The following NKX2-3 variants were observed in gnomAD, a reference collection of about 807,000 sequenced individuals.
NKX2-3 encodes the protein NK2 homeobox 3.
In NKX2-3, 3 loss-of-function variants were observed where a neutral mutation model predicts 14.2. The ratio of observed to expected loss-of-function variants is 0.21; its 90% CI spans 0.10 to 0.55. The LOEUF (loss-of-function observed/expected upper bound fraction) is 0.55, where lower values mean the gene tolerates loss of function less well. NKX2-3 is among the 20% of genes least tolerant of loss of function. The pLI, the probability that NKX2-3 is intolerant of heterozygous loss-of-function variation, is 0.94. For synonymous variants in NKX2-3, 276 were observed against 234.2 expected (o/e 1.18, Z -1.63); for missense variants, 511 against 514.5 (o/e 0.99, Z 0.06).
Position 99,535,477 on chromosome 10 carries a change from C to T in NKX2-3, c.851C>T (p.Ala284Val). ...GCCGCCGCCGCCGCCGCCGCAGCAG[C>T]GGCGGCCTACAGCAGCAGCTATGGC... ...AAAAAAAAAAAAAYSSSYGCA... is the reference protein window; with the variant it reads ...AAAAAAAAAAVAAYSSSYGCA... Residue 284 changes from alanine (A) to valine (V), a missense_variant, in exon 2 of 2, where the codon GCG becomes GTG. Ala to Val is a moderately conservative substitution (Grantham distance 64, BLOSUM62 0). Transcript: ENST00000344586. 2.5e-6 allele frequency: 3 copies of T among 1,181,360 alleles called. No individual in the cohort carries two copies. Among genetic ancestry groups the T allele is most frequent in the South Asian group, 2.1e-5 (1 of 47,512 alleles). 73.2% of individuals were successfully genotyped at this position (1,181,360 alleles called of 1,614,324 possible). A position where few individuals can be genotyped will look rare whatever the true frequency, so the allele number is the denominator to read the frequency against.
chr10:99,533,404 C>T lies in NKX2-3; in HGVS notation c.273C>T (p.Gly91=). Residue 91 remains glycine, a synonymous_variant, in exon 1 of 2, where the codon GGC becomes GGT. Transcript: ENST00000344586. The stretch of plus-strand genomic sequence containing the variant: ...GGGATTCAGGGCTGTGTCCCCAGGG[C>T]TATGTCCACACGGTCCTGCGAGACT... ...GHGDSGLCPQ[G]YVHTVLRDSC... is the part of the protein sequence containing the mutation. The T allele has an allele frequency of 1.2e-6, 2 of 1,605,236 alleles. No homozygotes were observed. The highest frequency in any genetic ancestry group is 4.5e-5 in the East Asian group (2 of 44,486).
intron 1 of NKX2-3, 103 bp from the exon 2 acceptor site, chr10:99,534,882 C>A (rs573741663): frequency 7.2e-7 from 1 of 1,395,926 alleles, no homozygotes; most frequent in Non-Finnish European, 9.5e-7. Context: ...CATTTACTAC[C>A]GCACGCTCTG....
At position 99,535,316 on chromosome 10, in the gene NKX2-3, G is replaced by A. The variant is rs2033955880; in HGVS notation, c.690G>A (p.Val230=). 6.4e-7 allele frequency: 1 copy of A among 1,563,734 alleles called. No individual in the cohort carries two copies. Among genetic ancestry groups the A allele is most frequent in the Non-Finnish European group, 8.7e-7 (1 of 1,155,874 alleles). Residue 230 remains valine (V), a synonymous_variant, in exon 2 of 2, where the codon GTG becomes GTA. Coordinates refer to ENST00000344586, the MANE Select transcript of NKX2-3 (RefSeq NM_145285.3). Reference sequence around the variant, plus strand: ...CGCCGCGCCGCGTGGCTGTCCCGGTGCTGGTGCGGGACGGCAAGCCGTGCG... The same window carrying A: ...CGCCGCGCCGCGTGGCTGTCCCGGTACTGGTGCGGGACGGCAAGCCGTGCG... The part of the protein sequence containing the change: ...PPPPRRVAVP[V]LVRDGKPCVT...
Position 99,535,109 on chromosome 10 carries a change from C to A in NKX2-3, c.483C>A (p.Phe161Leu). The change falls in exon 2 of 2, where the codon TTC becomes TTA. Residue 161 changes from phenylalanine (F) to leucine (L), a missense_variant. Physicochemically the swap from Phe to Leu is conservative, Grantham distance 22 (BLOSUM62 0). Coordinates refer to ENST00000344586, the MANE Select transcript of NKX2-3 (RefSeq NM_145285.3). Reference sequence around the variant, plus strand: ...TCCTCTTCTCGCAAGCCCAGGTCTTCGAGCTGGAACGCAGGTTCAAGCAGC... The same window carrying A: ...TCCTCTTCTCGCAAGCCCAGGTCTTAGAGCTGGAACGCAGGTTCAAGCAGC... ...PRVLFSQAQVFELERRFKQQR... is the reference protein window; with the variant it reads ...PRVLFSQAQVLELERRFKQQR... The A allele has an allele frequency of 6.2e-7, 1 of 1,611,350 alleles. No homozygotes were observed. Among genetic ancestry groups the A allele is most frequent in the Admixed American group, 1.7e-5 (1 of 59,746 alleles).
chr10:99,535,526 C>A lies in NKX2-3; in HGVS notation c.900C>A (p.Gly300=). 2 of 1,276,790 alleles carry A rather than the reference C, an allele frequency of 1.6e-6. No homozygotes were observed. The highest frequency in any genetic ancestry group is 2.0e-6 in the Non-Finnish European group (2 of 1,014,260). The allele number at this position is 1,276,790 out of a possible 1,614,324, so 79.1% of individuals were successfully genotyped here. A position where few individuals can be genotyped will look rare whatever the true frequency, so the allele number is the denominator to read the frequency against. Residue 300 remains glycine, a synonymous_variant, in exon 2 of 2, where the codon GGC becomes GGA. Transcript: ENST00000344586. ...GCTGTGCGTACCCGGCGGGCGGCGG[C>A]GGCGGCGGCGGCGGGACCTCCGCGG... ...SYGCAYPAGG[G]GGGGGTSAAT...
chr10:99,535,001 G>T lies in NKX2-3; in HGVS notation c.375G>T (p.Lys125Asn). ...CTTCCGCAGAAAGCTGCCAGCTGAAGAAGTCTCTAGAGACGGCCGGAGACT... is the reference window on the plus strand; with the variant it reads ...CTTCCGCAGAAAGCTGCCAGCTGAATAAGTCTCTAGAGACGGCCGGAGACT... Reference protein sequence around the residue: ...RDRSQKSCQLKKSLETAGDCK... With the variant: ...RDRSQKSCQLNKSLETAGDCK... Residue 125 changes from lysine to asparagine, a missense_variant, in exon 2 of 2, where the codon AAG becomes AAT. By Grantham distance (94) the Lys-to-Asn change is moderately conservative. Coordinates refer to ENST00000344586, the MANE Select transcript of NKX2-3 (RefSeq NM_145285.3). The T allele has an allele frequency of 3.1e-6, 5 of 1,602,022 alleles. No homozygotes were observed. Among genetic ancestry groups the T allele is most frequent in the Non-Finnish European group, 4.3e-6 (5 of 1,174,572 alleles).
intron 1 of NKX2-3, among the ~76,000 whole-genome samples, chr10:99,534,291 G>T (rs1003397739): frequency 3.9e-5 from 6 of 152,220 alleles, no homozygotes; most frequent in African/African-American, 1.4e-4. Flanking sequence ...AAGTCCCCAA[G>T]GAAGTGTATT....
At position 99,535,320 on chromosome 10, in the gene NKX2-3, G is replaced by C; in HGVS notation, c.694G>C (p.Val232Leu). 1 of 1,554,430 alleles carries C rather than the reference G, an allele frequency of 6.4e-7. No homozygotes were observed. The highest frequency in any genetic ancestry group is 8.7e-7 in the Non-Finnish European group (1 of 1,151,650). ...GCGCCGCGTGGCTGTCCCGGTGCTG[G>C]TGCGGGACGGCAAGCCGTGCGTCAC... is the stretch of plus-strand genomic sequence containing the variant. ...PPRRVAVPVL[V>L]RDGKPCVTPS... Residue 232 changes from valine to leucine, a missense_variant, in exon 2 of 2, where the codon GTG becomes CTG. Val to Leu is a conservative substitution (Grantham distance 32). Around this residue, in one of 3 missense-constraint regions of NKX2-3, gnomAD observed 264 missense variants for 254.7 expected, o/e 1.04. Transcript: ENST00000344586.
chr10:99,535,130 G>C lies in NKX2-3; in HGVS notation c.504G>C (p.Lys168Asn). ...TCTTCGAGCTGGAACGCAGGTTCAAGCAGCAGCGGTACCTGTCGGCACCCG... is the reference window on the plus strand; with the variant it reads ...TCTTCGAGCTGGAACGCAGGTTCAACCAGCAGCGGTACCTGTCGGCACCCG... ...AQVFELERRF[K>N]QQRYLSAPER... The change falls in exon 2 of 2, where the codon AAG (lysine) becomes AAC (asparagine). Residue 168 changes from lysine (K) to asparagine (N), a missense_variant. By Grantham distance (94) the Lys-to-Asn change is moderately conservative (BLOSUM62 0). Transcript: ENST00000344586. 6.2e-7 allele frequency: 1 copy of C among 1,612,866 alleles called. No homozygotes were observed. The highest frequency in any genetic ancestry group is 8.5e-7 in the Non-Finnish European group (1 of 1,179,652).
At chr10:99,534,871 C>A in intron 1 of NKX2-3, 114 bp from the exon 2 acceptor site, 1 of 1,297,680 alleles carries the variant, frequency 7.7e-7, no homozygotes, top group Non-Finnish European at 1.0e-6. Flanking sequence ...AAAAGTCCAG[C>A]CATTTACTAC....
At position 99,535,857 on chromosome 10, in the gene NKX2-3, C is replaced by T. The variant is rs1044845227; in HGVS notation, c.*136C>T. On this transcript the variant is annotated 3_prime_UTR_variant, in exon 2 of 2. Transcript: ENST00000344586. ...CGTCTAGCTCCTCAGGGCTTCGGAT[C>T]GCAGCTCACTCGAGGCCTGGGGAAG... 1.9e-6 allele frequency: 2 copies of T among 1,034,918 alleles called. No individual in the cohort carries two copies. Among genetic ancestry groups the T allele is most frequent in the Non-Finnish European group, 2.7e-6 (2 of 751,654 alleles). 64.1% of individuals were successfully genotyped at this position (1,034,918 alleles called of 1,614,324 possible).
At chr10:99,534,893 C>T (rs2033949609) in intron 1 of NKX2-3, 92 bp from the exon 2 acceptor site, 9 of 1,450,378 alleles carry the variant, frequency 6.2e-6, no homozygotes, top group Non-Finnish European at 8.2e-6. Flanking sequence ...GCACGCTCTG[C>T]GCAGCCACCA....
chr10:99,535,354 C>T lies in NKX2-3; in HGVS notation c.728C>T (p.Ala243Val). 6.7e-7 allele frequency: 1 copy of T among 1,498,162 alleles called. No individual in the cohort carries two copies. The highest frequency in any genetic ancestry group is 8.9e-7 in the Non-Finnish European group (1 of 1,129,056). 92.8% of individuals were successfully genotyped at this position (1,498,162 alleles called of 1,614,324 possible). The change falls in exon 2 of 2, where the codon GCG (alanine) becomes GTG (valine). Residue 243 changes from alanine (A) to valine (V), a missense_variant. By Grantham distance (64) the Ala-to-Val change is moderately conservative. Around this residue, in one of 3 missense-constraint regions of NKX2-3, gnomAD observed 264 missense variants for 254.7 expected, o/e 1.04. Coordinates refer to ENST00000344586, the MANE Select transcript of NKX2-3 (RefSeq NM_145285.3). ...GGCAAGCCGTGCGTCACGCCCAGCG[C>T]GCAGGCCTACGGCGCGCCCTACAGC... ...RDGKPCVTPS[A>V]QAYGAPYSVG...
chr10:99,535,097 A>G lies in NKX2-3; in HGVS notation c.471A>G (p.Gln157=), dbSNP rs1164940822. ...SRRKPRVLFS[Q]AQVFELERRF... Reference sequence around the variant, plus strand: ...GGAAGCCCCGGGTCCTCTTCTCGCAAGCCCAGGTCTTCGAGCTGGAACGCA... The same window carrying G: ...GGAAGCCCCGGGTCCTCTTCTCGCAGGCCCAGGTCTTCGAGCTGGAACGCA... The change falls in exon 2 of 2, where the codon CAA becomes CAG. Residue 157 remains glutamine, a synonymous_variant. Coordinates refer to ENST00000344586, the MANE Select transcript of NKX2-3 (RefSeq NM_145285.3). The G allele has an allele frequency of 6.2e-7, 1 of 1,610,320 alleles. No homozygotes were observed. The highest frequency in any genetic ancestry group is 8.5e-7 in the Non-Finnish European group (1 of 1,178,644).
Position 99,535,572 on chromosome 10 carries a change from G to T in NKX2-3, c.946G>T (p.Ala316Ser). Residue 316 changes from alanine to serine, a missense_variant, in exon 2 of 2, where the codon GCC becomes TCC. This residue lies in a region of NKX2-3 where 264 missense variants were observed against 254.7 expected (regional missense o/e 1.04). Coordinates refer to ENST00000344586, the MANE Select transcript of NKX2-3 (RefSeq NM_145285.3). ...CGCGGCGACCACTGCCATGCAGCCC[G>T]CCTGCAGCGCGGCCGGAGGCGGCCC... is the stretch of plus-strand genomic sequence containing the variant. ...TSAATTAMQP[A>S]CSAAGGGPFV... 6.7e-7 allele frequency: 1 copy of T among 1,496,768 alleles called. No individual in the cohort carries two copies. The highest frequency in any genetic ancestry group is 2.8e-5 in the East Asian group (1 of 35,122). The allele number at this position is 1,496,768 out of a possible 1,614,324, so 92.7% of individuals were successfully genotyped here. A position where few individuals can be genotyped will look rare whatever the true frequency, so the allele number is the denominator to read the frequency against.
intron 1 of NKX2-3, among the ~76,000 whole-genome samples, chr10:99,533,872 G>A (rs1486734816): frequency 1.3e-5 from 2 of 152,154 alleles, no homozygotes; most frequent in Non-Finnish European, 2.9e-5. Flanking sequence ...GACCTTTTTC[G>A]TTTTCCCTCT....
At position 99,535,550 on chromosome 10, in the gene NKX2-3, G is replaced by T. The variant is rs756508384; in HGVS notation, c.924G>T (p.Ala308=). 7.1e-7 allele frequency: 1 copy of T among 1,403,962 alleles called. No homozygotes were observed. The highest frequency in any genetic ancestry group is 3.1e-5 in the East Asian group (1 of 32,644). The allele number at this position is 1,403,962 out of a possible 1,614,324, so 87.0% of individuals were successfully genotyped here. A position where few individuals can be genotyped will look rare whatever the true frequency, so the allele number is the denominator to read the frequency against. ...GCGGCGGCGGCGGCGGGACCTCCGCGGCGACCACTGCCATGCAGCCCGCCT... is the reference window on the plus strand; with the variant it reads ...GCGGCGGCGGCGGCGGGACCTCCGCTGCGACCACTGCCATGCAGCCCGCCT... ...GGGGGGGGTS[A]ATTAMQPACS... The change falls in exon 2 of 2, where the codon GCG becomes GCT. Residue 308 remains alanine (A), a synonymous_variant. Coordinates refer to ENST00000344586, the MANE Select transcript of NKX2-3 (RefSeq NM_145285.3).
Position 99,535,422 on chromosome 10 carries a change from G to C in NKX2-3, c.796G>C (p.Gly266Arg), listed in dbSNP as rs1265983405. 7 of 1,409,736 alleles carry C rather than the reference G, an allele frequency of 5.0e-6. No homozygotes were observed. Among genetic ancestry groups the C allele is most frequent in the Non-Finnish European group, 6.5e-6 (7 of 1,083,252 alleles). 87.3% of individuals were successfully genotyped at this position (1,409,736 alleles called of 1,614,324 possible). A position where few individuals can be genotyped will look rare whatever the true frequency, so the allele number is the denominator to read the frequency against. Residue 266 changes from glycine to arginine, a missense_variant, in exon 2 of 2, where the codon GGC (glycine) becomes CGC (arginine). This residue lies in a region of NKX2-3 where 264 missense variants were observed against 254.7 expected (regional missense o/e 1.04). Transcript: ENST00000344586. ...AYSYNSFPAY[G>R]YGNSAAAAAA... ...CTCCTACAACAGCTTCCCCGCCTAC[G>C]GCTATGGGAACTCGGCCGCGGCCGC...
In NKX2-3 at chr10:99,533,366, G is replaced by A; in HGVS notation, c.235G>A (p.Ala79Thr). 1 of 1,610,976 alleles carries A rather than the reference G, an allele frequency of 6.2e-7. No homozygotes were observed. The highest frequency in any genetic ancestry group is 8.5e-7 in the Non-Finnish European group (1 of 1,179,034). ...KLSYLNSLAA[A>T]DGHGDSGLCP... ...GTCCTATTTGAACTCACTAGCCGCA[G>A]CAGACGGCCACGGGGATTCAGGGCT... The change falls in exon 1 of 2, where the codon GCA (alanine) becomes ACA (threonine). Residue 79 changes from alanine to threonine, a missense_variant. This residue lies in a region of NKX2-3 where 243 missense variants were observed against 242.3 expected (regional missense o/e 1.00). Transcript: ENST00000344586.
Sources: allele counts gnomAD v4.1 joint callset (sites outside exome capture counted in the v4.1 genomes callset), GRCh38; gene constraint gnomAD v4.1.1; regional missense constraint gnomAD v4.1.1; transcripts MANE v1.5; gene names NCBI Gene and HGNC (gene_info 2026-07-23, HGNC 2026-07-21).